Variants in CHD9 observed in about 807,000 individuals in gnomAD.
CHD9 encodes ATP-dependent chromatin remodeler CHD9.
In CHD9, 77 loss-of-function variants were observed where a neutral mutation model predicts 316.1. The observed-to-expected ratio is 0.24, with a 90% CI of 0.20 to 0.29. The LOEUF is 0.29. CHD9 is among the 10% of genes least tolerant of loss of function. The pLI is 1.00. For synonymous variants in CHD9, 1,129 were observed against 1,158.3 expected (o/e 0.97, Z 0.51); for missense variants, 2,763 against 3,438.1 (o/e 0.80, Z 4.91).
intron 38 of CHD9, among the ~76,000 whole-genome samples, chr16:53,322,390 C>T (rs1423698423): frequency 6.6e-6 from 1 of 151,264 alleles, no homozygotes; most frequent in East Asian, 2.0e-4. Flanking sequence ...GGTGGATCAC[C>T]TGAGGTCAGG....
At position 53,324,401 on chromosome 16, in the gene CHD9, C is replaced by G. The variant is rs746144862; in HGVS notation, c.8200C>G (p.Pro2734Ala). 2 of 1,613,920 alleles carry G rather than the reference C, an allele frequency of 1.2e-6. No homozygotes were observed. Among genetic ancestry groups the G allele is most frequent in the Admixed American group, 3.3e-5 (2 of 60,008 alleles). ...LLGMGGLLTK[P>A]TESGTEDKKG... ...GGGCATGGGAGGACTCCTGACAAAG[C>G]CTACGGAATCTGGGACAGAAGACAA... The change falls in exon 39 of 39, where the codon CCT becomes GCT. Residue 2734 changes from proline (P) to alanine (A), a missense_variant. Pro to Ala is a conservative substitution (Grantham distance 27). Coordinates refer to ENST00000447540, the MANE Select transcript of CHD9 (RefSeq NM_001308319.2).
At chr16:53,221,673 A>G (rs776524126) in intron 3 of CHD9, among the ~76,000 whole-genome samples, 3 of 152,218 alleles carry the variant, frequency 2.0e-5, no homozygotes, top group Admixed American at 6.5e-5. Context: ...AAACATACAT[A>G]TATGACGATA....
intron 1 of CHD9, among the ~76,000 whole-genome samples, chr16:53,109,149 G>A (rs553183500): frequency 6.6e-6 from 1 of 152,246 alleles, no homozygotes; most frequent in East Asian, 1.9e-4. Flanking sequence ...CCTGTCCTGG[G>A]GATAATCCTG....
At chr16:53,178,805 A>C (rs1412225336) in intron 2 of CHD9, among the ~76,000 whole-genome samples, 1 of 152,038 alleles carries the variant, frequency 6.6e-6, no homozygotes, top group Non-Finnish European at 1.5e-5. Context: ...TATAGTTTTA[A>C]AGTTTTCTTC....
At chr16:53,094,030 A>G (rs1401960862) in intron 1 of CHD9, among the ~76,000 whole-genome samples, 1 of 152,176 alleles carries the variant, frequency 6.6e-6, no homozygotes, top group Non-Finnish European at 1.5e-5. Context: ...AGGAGACTTT[A>G]TCTTAAGGAA....
At chr16:53,270,036 G>A (rs140099980) in intron 22 of CHD9, among the ~76,000 whole-genome samples, 11 of 152,124 alleles carry the variant, frequency 7.2e-5, no homozygotes, top group African/African-American at 2.4e-4. Flanking sequence ...ACAGGGTCTC[G>A]TTCTGTTGCC....
intron 2 of CHD9, among the ~76,000 whole-genome samples, chr16:53,199,574 A>G (rs2045253754): frequency 6.6e-6 from 1 of 152,154 alleles, no homozygotes; most frequent in South Asian, 2.1e-4. Flanking sequence ...CATTGTACCC[A>G]ACTGGTAGTA....
intron 1 of CHD9, among the ~76,000 whole-genome samples, chr16:53,072,321 T>G (rs1466623868): frequency 5.4e-5 from 1 of 18,690 alleles, no homozygotes; most frequent in Non-Finnish European, 1.4e-4. Flanking sequence ...GCCATAAGTC[T>G]TTTTTTTTTT....
At chr16:53,180,006 T>TC (rs1849504245) in intron 2 of CHD9, among the ~76,000 whole-genome samples, 1 of 151,848 alleles carries the variant, frequency 6.6e-6, no homozygotes, top group Non-Finnish European at 1.5e-5. Flanking sequence ...TCTAGGAAGT[T>TC]CTTGAATTGT....
At chr16:53,244,352 C>T (rs762595275) in intron 13 of CHD9, among the ~76,000 whole-genome samples, 1 of 151,884 alleles carries the variant, frequency 6.6e-6, no homozygotes, top group Non-Finnish European at 1.5e-5. Flanking sequence ...ACCACCACGC[C>T]CGGCTAATTT....
At chr16:53,095,418 G>A (rs1272725656) in intron 1 of CHD9, among the ~76,000 whole-genome samples, 4 of 151,730 alleles carry the variant, frequency 2.6e-5, no homozygotes, top group Admixed American at 2.0e-4. Flanking sequence ...GCGTGGTGGT[G>A]TGTGCCTGTA....
chr16:53,131,901 G>A (rs1237621310), intron 1 of CHD9, among the ~76,000 whole-genome samples: 1 of 152,060 alleles, frequency 6.6e-6, no homozygotes, highest in Non-Finnish European at 1.5e-5. Context: ...CCCGGACCCC[G>A]CCAGCCCCCG....
At chr16:53,144,900 G>T (rs1332018751) in intron 1 of CHD9, among the ~76,000 whole-genome samples, 1 of 151,406 alleles carries the variant, frequency 6.6e-6, no homozygotes, top group Non-Finnish European at 1.5e-5. Flanking sequence ...GCAGAGGTGG[G>T]TGGTTCACTT....
chr16:53,111,390 A>G (rs2037854175), intron 1 of CHD9, among the ~76,000 whole-genome samples: 1 of 152,234 alleles, frequency 6.6e-6, no homozygotes, highest in Non-Finnish European at 1.5e-5. Context: ...CTGCCAAAAA[A>G]GAAAAAAAGT....
intron 10 of CHD9, among the ~76,000 whole-genome samples, chr16:53,234,683 C>G (rs1405632381): frequency 6.6e-6 from 1 of 151,938 alleles, no homozygotes; most frequent in African/African-American, 2.4e-5. Context: ...CTCAAGCGAT[C>G]CTCCCCACTT....
rs905003452 is a variant in CHD9 at position 53,222,651 on chromosome 16, A to T, written c.1792A>T (p.Ile598Phe). The part of the protein sequence containing the change: ...LKEKTKIGKL[I>F]ITLGKKQKRK... ...CTTTTCCTCTTGAAACAGCAAACTC[A>T]TTATTACATTGGGTAAGAAACAAAA... Residue 598 changes from isoleucine to phenylalanine, a missense_variant, in exon 4 of 39, where the codon ATT becomes TTT. Transcript: ENST00000447540. The T allele has an allele frequency of 6.8e-7, 1 of 1,468,414 alleles. No individual in the cohort carries two copies. The highest frequency in any genetic ancestry group is 9.4e-7 in the Non-Finnish European group (1 of 1,062,450). 91.0% of individuals were successfully genotyped at this position (1,468,414 alleles called of 1,614,324 possible).
At chr16:53,236,275 ACT>A (rs1393975506) in intron 11 of CHD9, among the ~76,000 whole-genome samples, 1 of 151,772 alleles carries the variant, frequency 6.6e-6, no homozygotes, top group Non-Finnish European at 1.5e-5. Context: ...TGCCCCCTTC[ACT>A]CTCTGTATAT....
intron 17 of CHD9, 182 bp downstream of exon 17, chr16:53,250,248 C>T (rs1297755047): frequency 1.7e-6 from 1 of 573,216 alleles, no homozygotes; most frequent in Non-Finnish European, 3.0e-6. Context: ...ACTATAATGA[C>T]AAAAATTTTT....
intron 20 of CHD9, among the ~76,000 whole-genome samples, chr16:53,264,178 T>C (rs1167619636): frequency 1.3e-5 from 2 of 152,126 alleles, no homozygotes; most frequent in Non-Finnish European, 2.9e-5. Flanking sequence ...ATAGAAATGT[T>C]ATGTAGATGT....
Sources: allele counts gnomAD v4.1 joint callset (sites outside exome capture counted in the v4.1 genomes callset), GRCh38; gene constraint gnomAD v4.1.1; transcripts MANE v1.5; gene names NCBI Gene and HGNC (gene_info 2026-07-23, HGNC 2026-07-21).